The following XPA variants were observed in gnomAD, a reference collection of about 807,000 sequenced individuals.
XPA encodes the protein XPA, DNA damage recognition and repair factor.
In XPA, 27 loss-of-function variants were observed where a neutral mutation model predicts 35.7. That is an observed-to-expected ratio of 0.76 (90% confidence interval 0.56 to 1.04). The LOEUF (loss-of-function observed/expected upper bound fraction) is 1.04. Among genes scored for constraint, XPA ranks in the 50% least tolerant of loss-of-function variants. The pLI is 0.00. For synonymous variants in XPA, 133 were observed against 118.4 expected (o/e 1.12, Z -0.80); for missense variants, 354 against 342.7 (o/e 1.03, Z -0.26).
Position 97,675,535 on chromosome 9 carries a change from A to G in XPA, c.726T>C (p.His242=), listed in dbSNP as rs1026242684. The change falls in exon 6 of 6, where the codon CAT becomes CAC. Residue 242 remains histidine, a synonymous_variant. Coordinates refer to ENST00000375128, the MANE Select transcript of XPA (RefSeq NM_000380.4). ...TTTCTTCTGGTCCATACTCATGTTG[A>G]TGAACAATCGTCTCCCTTTTCCACA... ...SSVWKRETIV[H]QHEYGPEENL... The G allele has an allele frequency of 6.2e-6, 10 of 1,613,872 alleles. No individual in the cohort carries two copies. The African/African-American group carries it at 1.2e-4, about 19-fold the overall frequency.
At chr9:97,667,839 A>G in the XPA span, among the ~76,000 whole-genome samples, 3 of 152,342 alleles carry the variant, frequency 2.0e-5, no homozygotes, top group Admixed American at 6.5e-5. Context: ...CAGGCTGCAC[A>G]TATTTATATA....
At chr9:97,684,819 C>A (rs1828660046) in intron 5 of XPA, 104 bp downstream of exon 5, 4 of 1,054,084 alleles carry the variant, frequency 3.8e-6, no homozygotes, top group South Asian at 1.3e-5. Context: ...CTCTAAAAAA[C>A]ACATTCCAAT....
Position 97,675,109 on chromosome 9 carries a change from T to C in XPA, c.*330A>G. ...TCAGCCTTTGTTGAACCCTTTTCCC[T>C]CTACCCCAATCTAGGGTTTGCCTTG... is the stretch of plus-strand genomic sequence containing the variant. On this transcript the variant is annotated 3_prime_UTR_variant, in exon 6 of 6. Coordinates refer to ENST00000375128, the MANE Select transcript of XPA (RefSeq NM_000380.4). The C allele has an allele frequency of 1.8e-6, 1 of 546,458 alleles. No individual in the cohort carries two copies. The allele number at this position is 546,458 out of a possible 1,614,324, so 33.9% of individuals were successfully genotyped here. A position where few individuals can be genotyped will look rare whatever the true frequency, so the allele number is the denominator to read the frequency against.
In XPA at chr9:97,690,780, C is replaced by A. The variant is rs147038098; in HGVS notation, c.284-1141G>T. 4.2e-4 allele frequency among the ~76,000 whole-genome samples: 64 copies of A among 152,342 alleles called. 1 individual carries two copies. In the East Asian group the frequency reaches 0.012, roughly 28 times the overall value. ...GCAGGTGATCCACCTGCCTTGGCCTCCCAGAGTGCTGGGATTACAGGCGTG... is the reference window on the plus strand; with the variant it reads ...GCAGGTGATCCACCTGCCTTGGCCTACCAGAGTGCTGGGATTACAGGCGTG... On this transcript the variant is annotated intron_variant, in intron 2 of 5. Transcript: ENST00000375128.
Position 97,675,494 on chromosome 9 carries a change from A to G in XPA, c.767T>C (p.Met256Thr). Residue 256 changes from methionine (M) to threonine (T), a missense_variant, in exon 6 of 6, where the codon ATG (methionine) becomes ACG (threonine). By Grantham distance (81) the Met-to-Thr change is moderately conservative (BLOSUM62 -1). Coordinates refer to ENST00000375128, the MANE Select transcript of XPA (RefSeq NM_000380.4). ...YGPEENLEDD[M>T]YRKTCTMCGH... Reference sequence around the variant, plus strand: ...ACACATAGTACAAGTCTTACGGTACATGTCATCTTCTAGGTTTTCTTCTGG... The same window carrying G: ...ACACATAGTACAAGTCTTACGGTACGTGTCATCTTCTAGGTTTTCTTCTGG... 1 of 1,614,002 alleles carries G rather than the reference A, an allele frequency of 6.2e-7. No homozygotes were observed. The highest frequency in any genetic ancestry group is 8.5e-7 in the Non-Finnish European group (1 of 1,179,956).
chr9:97,678,114 C>T (rs1019837342), intron 5 of XPA, among the ~76,000 whole-genome samples: 4 of 152,114 alleles, frequency 2.6e-5, no homozygotes, highest in African/African-American at 4.8e-5. Context: ...GAAATGATGA[C>T]ATAAGGCTGG....
At chr9:97,677,972 A>G (rs188273815) in intron 5 of XPA, among the ~76,000 whole-genome samples, 1 of 152,210 alleles carries the variant, frequency 6.6e-6, no homozygotes, top group African/African-American at 2.4e-5. Flanking sequence ...CAGTATAAGT[A>G]AAACTAAAAT....
chr9:97,688,856 T>G (rs1828797428), intron 3 of XPA, among the ~76,000 whole-genome samples: 1 of 152,138 alleles, frequency 6.6e-6, no homozygotes, highest in South Asian at 2.1e-4. Flanking sequence ...GATTTAGGAC[T>G]GTAGGGACAA....
At chr9:97,694,560 A>G (rs772302681) in intron 1 of XPA, among the ~76,000 whole-genome samples, 5 of 152,228 alleles carry the variant, frequency 3.3e-5, no homozygotes, top group Non-Finnish European at 7.3e-5. Context: ...TAAAACCATA[A>G]TGAAGTATCA....
intron 2 of XPA, among the ~76,000 whole-genome samples, chr9:97,690,668 G>A (rs547266392): frequency 6.6e-6 from 1 of 152,342 alleles, no homozygotes; most frequent in Non-Finnish European, 1.5e-5. Flanking sequence ...TTACAGGCAT[G>A]AGCCACTGTA....
the XPA span, chr9:97,655,691 T>C: frequency 6.2e-7 from 1 of 1,604,238 alleles, no homozygotes; most frequent in Non-Finnish European, 8.5e-7. Flanking sequence ...ACCTCCCCCT[T>C]CTCTACGTAG....
At chr9:97,669,748 C>A in the XPA span, 1 of 1,344,228 alleles carries the variant, frequency 7.4e-7, no homozygotes, top group Non-Finnish European at 1.1e-6. Flanking sequence ...CTATTCTCAG[C>A]CACAAAGATT....
chr9:97,695,344 C>G (rs142877827), intron 1 of XPA, among the ~76,000 whole-genome samples: 101 of 152,346 alleles, frequency 6.6e-4, no homozygotes, highest in African/African-American at 2.2e-3. Flanking sequence ...CAGCAATTCT[C>G]ACACTATAAT....
intron 4 of XPA, among the ~76,000 whole-genome samples, chr9:97,686,543 G>T (rs1404425764): frequency 6.6e-6 from 1 of 152,166 alleles, no homozygotes; most frequent in South Asian, 2.1e-4. Flanking sequence ...AGGAAACAGG[G>T]CCTGACTCCC....
intron 5 of XPA, among the ~76,000 whole-genome samples, chr9:97,684,492 TA>T (rs1828648098): frequency 6.6e-6 from 1 of 152,192 alleles, no homozygotes; most frequent in East Asian, 1.9e-4. Context: ...TGGTCATATA[TA>T]AAATAAAAGT....
Position 97,689,641 on chromosome 9 carries a change from T to G in XPA, c.284-2A>C. On this transcript the variant is annotated splice_acceptor_variant, in intron 2 of 5. Transcript: ENST00000375128. LOFTEE classifies it high-confidence loss of function. ...CATAATCAAATTCCATAACAGGTCC[T>G]AAGAAAAGGAAAATGAACTCTAGTT... is the stretch of plus-strand genomic sequence containing the variant. 1 of 1,576,446 alleles carries G rather than the reference T, an allele frequency of 6.3e-7. No individual in the cohort carries two copies.
the XPA span, among the ~76,000 whole-genome samples, chr9:97,655,337 C>T: frequency 1.3e-5 from 2 of 152,142 alleles, no homozygotes; most frequent in African/African-American, 4.8e-5. Context: ...TAGTCTCCAT[C>T]CCGAGTAGCT....
chr9:97,662,868 TTGAG>T, the XPA span: 31 of 977,598 alleles, frequency 3.2e-5, no homozygotes, highest in Non-Finnish European at 4.5e-5. Flanking sequence ...GCATTATAAA[TTGAG>T]TAACATTGAA....
intron 5 of XPA, among the ~76,000 whole-genome samples, chr9:97,680,356 A>C (rs543595891): frequency 6.6e-6 from 1 of 152,216 alleles, no homozygotes; most frequent in East Asian, 1.9e-4. Flanking sequence ...CTACAGGCAC[A>C]CACCATCATG....
Sources: allele counts gnomAD v4.1 joint callset (sites outside exome capture counted in the v4.1 genomes callset), GRCh38; gene constraint gnomAD v4.1.1; transcripts MANE v1.5; gene names NCBI Gene and HGNC (gene_info 2026-07-23, HGNC 2026-07-21).